The following ATP7A variants were observed in gnomAD, a reference collection of about 807,000 sequenced individuals.
ATP7A encodes ATPase copper transporting alpha.
A neutral mutation model predicts 83.5 loss-of-function variants in ATP7A; 7 were observed. That is an observed-to-expected ratio of 0.08 (90% CI 0.05 to 0.16). The LOEUF (loss-of-function observed/expected upper bound fraction) is 0.16, where lower values mean the gene tolerates loss of function less well. Among genes scored for constraint, ATP7A ranks in the 10% least tolerant of loss-of-function variants. The pLI is 1.00. For missense variants in ATP7A, 940 were observed against 1,120.8 expected (o/e 0.84, Z 2.30); for synonymous variants, 354 against 395.2 (o/e 0.90, Z 1.24).
intron 6 of ATP7A, among the ~76,000 whole-genome samples, chrX:78,007,628 T>C (rs2077786209): frequency 8.9e-6 from 1 of 112,345 alleles, no homozygotes; most frequent in African/African-American, 3.2e-5. Flanking sequence ...CCCGACCATT[T>C]TTGCCCATTT....
chrX:77,990,089 G>T (rs943040758), intron 4 of ATP7A, 131 bp downstream of exon 4: 1 of 805,336 alleles, frequency 1.2e-6, no homozygotes, highest in African/African-American at 2.1e-5. Flanking sequence ...TCCTATGGAG[G>T]TAGCCAGCAG....
rs2077168372 is a variant in ATP7A, at chrX:77,912,944, C to T, written c.-22+2109C>T. Among the ~76,000 whole-genome samples the T allele has an allele frequency of 5.4e-5, 6 of 111,751 alleles. No individual in the cohort carries two copies. In the South Asian group the frequency reaches 2.2e-3, roughly 41 times the overall value. On this transcript the variant is annotated intron_variant, in intron 1 of 22. Transcript: ENST00000341514. ...CAAAGGATAGGTTAACATCTCTGTTCTCTAAAGCAGAAGGTTGATTTTCTT... is the reference window on the plus strand; with the variant it reads ...CAAAGGATAGGTTAACATCTCTGTTTTCTAAAGCAGAAGGTTGATTTTCTT...
chrX:77,962,955 T>C, intron 1 of ATP7A: 2 of 289,298 alleles, frequency 6.9e-6, no homozygotes, highest in Non-Finnish European at 1.4e-5. Context: ...TCATATATGA[T>C]CATTTCACAT....
chrX:77,923,960 A>G (rs1423612471), intron 1 of ATP7A: 2 of 112,032 alleles, frequency 1.8e-5, no homozygotes, highest in Non-Finnish European at 3.8e-5. Context: ...ATTTTTTCAG[A>G]ATTAAAAAGA....
At chrX:78,043,165 C>A in intron 20 of ATP7A, 152 bp from the exon 21 acceptor site, 1 of 541,333 alleles carries the variant, frequency 1.8e-6, no homozygotes, top group Non-Finnish European at 3.1e-6. Context: ...CCTTCGGAAG[C>A]TGAGTCTAAG....
intron 17 of ATP7A, among the ~76,000 whole-genome samples, chrX:78,036,293 G>A (rs1392615346): frequency 9.0e-6 from 1 of 110,975 alleles, no homozygotes; most frequent in Non-Finnish European, 1.9e-5. Flanking sequence ...ATCAGGGTAG[G>A]CCTCACTGAG....
intron 14 of ATP7A, among the ~76,000 whole-genome samples, chrX:78,024,154 G>A (rs781883798): frequency 2.0e-4 from 22 of 111,779 alleles, no homozygotes; most frequent in African/African-American, 2.9e-4. Flanking sequence ...GTTGATCTAC[G>A]TGTCTATTTT....
At chrX:77,932,065 G>A (rs1474098008) in intron 1 of ATP7A, among the ~76,000 whole-genome samples, 1 of 111,043 alleles carries the variant, frequency 9.0e-6, no homozygotes, top group African/African-American at 3.3e-5. Context: ...CCTCCCTCCC[G>A]GATGGGGTGG....
intron 1 of ATP7A, among the ~76,000 whole-genome samples, chrX:77,957,486 C>T (rs372525413): frequency 7.8e-4 from 84 of 107,819 alleles, no homozygotes; most frequent in African/African-American, 1.7e-3. Context: ...GACCAAATGA[C>T]GAGTCTTATT....
chrX:78,014,642 G>GTGTT lies in ATP7A; in HGVS notation c.2407-14_2407-11dup, dbSNP rs1557234922. 8.6e-7 allele frequency: 1 copy of GTGTT among 1,162,547 alleles called. No homozygotes were observed. The highest frequency in any genetic ancestry group is 2.2e-5 in the Admixed American group (1 of 45,602). Reference sequence around the variant, plus strand: ...CTTTTTCTTCCTTAGCATTTTCAATGTGTTTGTTTTAATTTATAGGGCAAA... The same window carrying GTGTT: ...CTTTTTCTTCCTTAGCATTTTCAATGTGTTTGTTTGTTTTAATTTATAGGGCAAA... On this transcript the variant is annotated intron_variant, in intron 10 of 22. Coordinates refer to ENST00000341514, the MANE Select transcript of ATP7A (RefSeq NM_000052.7).
At chrX:78,020,637 C>T (rs996898736) in intron 13 of ATP7A, among the ~76,000 whole-genome samples, 17 of 110,993 alleles carry the variant, frequency 1.5e-4, no homozygotes, top group South Asian at 3.8e-4. Context: ...CTCAGCCTCC[C>T]GAGTAGCTGG....
At chrX:77,917,975 A>C (rs1261665151) in intron 1 of ATP7A, among the ~76,000 whole-genome samples, 3 of 111,560 alleles carry the variant, frequency 2.7e-5, no homozygotes, top group Admixed American at 9.6e-5. Flanking sequence ...TCAAATGAAT[A>C]CCTGTTATGA....
chrX:77,940,914 TCCTATACTG>T (rs1198748668), intron 1 of ATP7A, among the ~76,000 whole-genome samples: 4 of 112,254 alleles, frequency 3.6e-5, no homozygotes, highest in Admixed American at 9.5e-5. Context: ...CTAGACACTT[TCCTATACTG>T]CTAGTGTAAG....
chrX:77,973,265 C>T (rs1446128533), intron 2 of ATP7A, among the ~76,000 whole-genome samples: 3 of 112,064 alleles, frequency 2.7e-5, no homozygotes, highest in East Asian at 5.6e-4. Context: ...CATTCATTTA[C>T]GTATTGTGTA....
Position 77,989,503 on chromosome X carries a change from A to G in ATP7A, c.881A>G (p.Asn294Ser). 1 of 1,211,746 alleles carries G rather than the reference A, an allele frequency of 8.3e-7. No individual in the cohort carries two copies. The highest frequency in any genetic ancestry group is 1.1e-6 in the Non-Finnish European group (1 of 895,330). ...DGMHCKSCVS[N>S]IESTLSALQY... ...ATGCATTGTAAATCATGTGTGTCAA[A>G]TATTGAAAGTACTTTATCTGCACTC... The change falls in exon 4 of 23, where the codon AAT becomes AGT. Residue 294 changes from asparagine to serine, a missense_variant. Physicochemically the swap from Asn to Ser is conservative, Grantham distance 46. This residue lies in a region of ATP7A where 350 missense variants were observed against 432.8 expected (regional missense o/e 0.81). Coordinates refer to ENST00000341514, the MANE Select transcript of ATP7A (RefSeq NM_000052.7).
intron 1 of ATP7A, among the ~76,000 whole-genome samples, chrX:77,948,351 C>T (rs1180343145): frequency 9.2e-6 from 1 of 108,248 alleles, no homozygotes; most frequent in Non-Finnish European, 1.9e-5. Context: ...AGGTCTCGAT[C>T]TCCTGACCTC....
chrX:78,021,739 GA>G (rs2077906990), intron 14 of ATP7A, among the ~76,000 whole-genome samples: 1 of 111,371 alleles, frequency 9.0e-6, no homozygotes. Flanking sequence ...TAAGATACAG[GA>G]TTGGAATTAG....
intron 4 of ATP7A, among the ~76,000 whole-genome samples, chrX:77,994,263 G>A (rs968137177): frequency 3.6e-5 from 4 of 110,220 alleles, no homozygotes; most frequent in Non-Finnish European, 5.7e-5. Flanking sequence ...ACAGGGTTTC[G>A]CCTTGTTGGC....
intron 6 of ATP7A, among the ~76,000 whole-genome samples, chrX:78,004,470 T>C (rs1557233510): frequency 8.9e-6 from 1 of 112,571 alleles, no homozygotes; most frequent in Admixed American, 9.4e-5. Context: ...AAATGTAGGC[T>C]GGGTGTGGTG....
Sources: allele counts gnomAD v4.1 joint callset (sites outside exome capture counted in the v4.1 genomes callset), GRCh38; gene constraint gnomAD v4.1.1; regional missense constraint gnomAD v4.1.1; transcripts MANE v1.5; gene names NCBI Gene and HGNC (gene_info 2026-07-23, HGNC 2026-07-21).